AVEN: variants seen among roughly 807,000 people sequenced by gnomAD.
The protein encoded by AVEN is apoptosis and caspase activation inhibitor, also known as cell death regulator Aven.
AVEN carries 41 observed loss-of-function variants against 38.1 expected under a neutral mutation model. The ratio of observed to expected loss-of-function variants is 1.08; its 90% CI spans 0.84 to 1.40. The LOEUF is 1.40. Ranked by LOEUF, AVEN falls within the 40% of genes most tolerant of loss-of-function variation. The pLI, the probability that AVEN is intolerant of heterozygous loss-of-function variation, is 0.00. For synonymous variants in AVEN, 206 were observed against 171.8 expected (o/e 1.20, Z -1.56); for missense variants, 605 against 438.8 (o/e 1.38, Z -3.38).
chr15:33,938,404 G>A (rs904145465), intron 2 of AVEN, among the ~76,000 whole-genome samples: 5 of 152,096 alleles, frequency 3.3e-5, no homozygotes, highest in East Asian at 1.9e-4. Flanking sequence ...GCAGTGAGCC[G>A]AGATCGCGCC....
At chr15:34,055,626 C>G (rs1348581076) in intron 5 of AVEN, among the ~76,000 whole-genome samples, 1 of 151,510 alleles carries the variant, frequency 6.6e-6, no homozygotes, top group African/African-American at 2.4e-5. Flanking sequence ...ATGGTGAAAC[C>G]CTGTCTCTAC....
chr15:33,930,533 T>C (rs1292173929), intron 2 of AVEN, among the ~76,000 whole-genome samples: 1 of 152,178 alleles, frequency 6.6e-6, no homozygotes, highest in Non-Finnish European at 1.5e-5. Flanking sequence ...AAATAATCTC[T>C]CTTCTTTTCA....
downstream of AVEN, chr15:33,865,044 A>C (rs1890009211): frequency 1.0e-6 from 1 of 955,252 alleles, no homozygotes; most frequent in Non-Finnish European, 1.7e-6. Flanking sequence ...CAGTCTTCCT[A>C]AAGGGAGCCA....
chr15:33,865,340 T>TAA (rs200704038), downstream of AVEN: 155 of 619,316 alleles, frequency 2.5e-4, no homozygotes, highest in Middle Eastern at 8.1e-4. Context: ...ATGCCTCCCT[T>TAA]AAAAAAAAAA....
At position 34,015,343 on chromosome 15, in the gene AVEN, T is replaced by C. The variant is rs186304510; in HGVS notation, c.268-12134A>G. Among the ~76,000 whole-genome samples, 899 of 151,856 alleles carry C rather than the reference T, an allele frequency of 5.9e-3. 4 individuals are homozygous for C. Among genetic ancestry groups the C allele is most frequent in the Admixed American group, 8.4e-3 (128 of 15,238 alleles). ...CTAAAAATACAAAAAATTAGCCAGG[T>C]GCGGTGGCGGGCACCTGTAGTCCAG... On this transcript the variant is annotated intron_variant, in intron 1 of 5. Coordinates refer to ENST00000306730, the MANE Select transcript of AVEN (RefSeq NM_020371.3).
At chr15:33,869,131 G>C (rs1890828201) in intron 4 of AVEN, among the ~76,000 whole-genome samples, 2 of 152,262 alleles carry the variant, frequency 1.3e-5, no homozygotes, top group South Asian at 4.2e-4. Flanking sequence ...GAGTCAGTCA[G>C]TTGTACAGGG....
intron 2 of AVEN, among the ~76,000 whole-genome samples, chr15:33,917,522 CGT>C (rs1160874716): frequency 3.4e-5 from 4 of 118,358 alleles, no homozygotes; most frequent in Non-Finnish European, 6.7e-5. Context: ...CACACACATA[CGT>C]GTATATATAT....
chr15:33,964,912 T>G (rs501432), intron 2 of AVEN, among the ~76,000 whole-genome samples: 147,968 of 152,250 alleles, frequency 0.97, 71,987 homozygotes, highest in Non-Finnish European at 1. Flanking sequence ...ACGCTTAAGT[T>G]GAATGATGGT....
intron 5 of AVEN, among the ~76,000 whole-genome samples, chr15:34,056,710 G>A (rs944245283): frequency 1.3e-5 from 2 of 152,076 alleles, no homozygotes; most frequent in Non-Finnish European, 2.9e-5. Context: ...TATGTTCCTA[G>A]AGGTAGAGCG....
At chr15:33,896,905 C>T (rs183099797) in intron 2 of AVEN, among the ~76,000 whole-genome samples, 2 of 152,250 alleles carry the variant, frequency 1.3e-5, no homozygotes, top group African/African-American at 2.4e-5. Flanking sequence ...TTGTGCCCAC[C>T]CTATTCATTA....
intron 5 of AVEN, among the ~76,000 whole-genome samples, chr15:34,059,642 C>A (rs1900271803): frequency 6.6e-6 from 1 of 152,140 alleles, no homozygotes; most frequent in South Asian, 2.1e-4. Context: ...CCTCTTTTGC[C>A]TCTGGGCTTA....
chr15:33,898,084 G>C (rs1252595130), intron 2 of AVEN, among the ~76,000 whole-genome samples: 3 of 152,066 alleles, frequency 2.0e-5, no homozygotes, highest in African/African-American at 7.2e-5. Context: ...AGCTACTCTG[G>C]AGGCTGAGGC....
chr15:33,882,381 T>A (rs1421484215), intron 2 of AVEN, among the ~76,000 whole-genome samples: 1 of 152,160 alleles, frequency 6.6e-6, no homozygotes. Context: ...CCTCATCTCA[T>A]CCTATTCCAG....
Position 34,039,138 on chromosome 15 carries a change from C to G in AVEN, c.-92G>C. ...GGAAGCGGGCCGCACGGAGGAGCCG[C>G]GAGCGAAAGGCGCCCGGTAGCAGCG... On this transcript the variant is annotated 5_prime_UTR_variant, in exon 1 of 6. Transcript: ENST00000306730. 9.8e-7 allele frequency: 1 copy of G among 1,016,594 alleles called. No homozygotes were observed. The highest frequency in any genetic ancestry group is 1.2e-6 in the Non-Finnish European group (1 of 845,164). The allele number at this position is 1,016,594 out of a possible 1,614,324, so 63.0% of individuals were successfully genotyped here.
At chr15:33,933,974 C>T (rs1355520928) in intron 2 of AVEN, among the ~76,000 whole-genome samples, 1 of 150,096 alleles carries the variant, frequency 6.7e-6, no homozygotes, top group African/African-American at 2.4e-5. Context: ...CAGACACATA[C>T]AAAAACGACT....
At chr15:33,992,392 A>AAAAAAAG (rs1413977647) in intron 2 of AVEN, among the ~76,000 whole-genome samples, 1 of 152,206 alleles carries the variant, frequency 6.6e-6, no homozygotes. Flanking sequence ...TCCGTCTCAA[A>AAAAAAAG]AAAAAAGAAA....
rs1041732995 is a variant in AVEN at position 33,980,512 on chromosome 15, A to G, written c.445+22520T>C. Among the ~76,000 whole-genome samples the G allele has an allele frequency of 2.6e-5, 4 of 152,302 alleles. No individual in the cohort carries two copies. In the South Asian group the frequency reaches 8.3e-4, roughly 32 times the overall value. ...TTGTGGGCTGATGGCCATATATGAC[A>G]TGAGCACAAACTACGAATATTAAAT... is the stretch of plus-strand genomic sequence containing the variant. On this transcript the variant is annotated intron_variant, in intron 2 of 5. Transcript: ENST00000306730.
intron 2 of AVEN, among the ~76,000 whole-genome samples, chr15:33,988,931 C>T (rs1246179183): frequency 2.6e-5 from 4 of 152,186 alleles, no homozygotes; most frequent in Non-Finnish European, 5.9e-5. Context: ...TAATCTAAAT[C>T]CCCTGTATTT....
At chr15:33,952,419 G>GT (rs1239547904) in intron 2 of AVEN, among the ~76,000 whole-genome samples, 8 of 152,136 alleles carry the variant, frequency 5.3e-5, no homozygotes, top group Non-Finnish European at 1.2e-4. Flanking sequence ...GACACCTGTA[G>GT]TAACTTGGTT....
Sources: gnomAD v4.1 joint callset for allele counts (sites outside exome capture counted in the v4.1 genomes callset) on GRCh38, gnomAD v4.1.1 for gene constraint, MANE v1.5 for transcripts, NCBI Gene and HGNC (gene_info 2026-07-23, HGNC 2026-07-21) for gene names.